Variants in INO80 observed in about 807,000 individuals in gnomAD.
INO80 encodes INO80 complex ATPase subunit.
Under a neutral mutation model 203.4 loss-of-function variants are expected in INO80, and 20 were observed. The observed-to-expected ratio is 0.10, with a 90% CI of 0.07 to 0.14. The LOEUF is 0.14. INO80 is among the 10% of genes least tolerant of loss of function. The probability of loss-of-function intolerance (pLI) is 1.00; values close to 1 mark genes in which losing one functional copy is unlikely to be tolerated. For synonymous variants in INO80, 726 were observed against 685.2 expected, an observed-to-expected ratio of 1.06 and a Z score of -0.93; for missense variants, 1,419 against 1,914.4, an observed-to-expected ratio of 0.74 and a Z score of 4.83.
intron 35 of INO80, among the ~76,000 whole-genome samples, chr15:40,981,127 C>T (rs1232952739): frequency 1.3e-5 from 2 of 152,140 alleles, no homozygotes; most frequent in Non-Finnish European, 2.9e-5. Flanking sequence ...TTTTACTTTC[C>T]AAAAAAGAAT....
chr15:41,023,228 G>T (rs1433258624), intron 25 of INO80: 2 of 454,450 alleles, frequency 4.4e-6, no homozygotes, highest in Non-Finnish European at 8.8e-6. Flanking sequence ...ATAAATACAG[G>T]AATACAAAGC....
chr15:41,073,321 G>C, intron 11 of INO80, 107 bp downstream of exon 11: 3 of 941,596 alleles, frequency 3.2e-6, no homozygotes, highest in Non-Finnish European at 5.2e-6. Flanking sequence ...GCTAGTCTAT[G>C]CTTTTAATTG....
At chr15:41,110,106 A>G (rs1176782158) in intron 1 of INO80, among the ~76,000 whole-genome samples, 1 of 151,468 alleles carries the variant, frequency 6.6e-6, no homozygotes, top group Non-Finnish European at 1.5e-5. Flanking sequence ...AAAAAAAAAA[A>G]GAAAACTGGC....
At chr15:41,095,517 T>C in intron 4 of INO80, 84 bp downstream of exon 4, 1 of 950,344 alleles carries the variant, frequency 1.1e-6, no homozygotes, top group Non-Finnish European at 1.6e-6. Flanking sequence ...TCTGTCAATC[T>C]GCCAAAATGA....
Position 41,036,156 on chromosome 15 carries a change from G to GAAAA in INO80, c.2908-8424_2908-8421dup, listed in dbSNP as rs369185302. Among the ~76,000 whole-genome samples the GAAAA allele has an allele frequency of 2.8e-3, 90 of 32,126 alleles. 6 individuals are homozygous for GAAAA. The highest frequency in any genetic ancestry group is 5.2e-3 in the African/African-American group (55 of 10,552). The allele number at this position is 32,126 out of a possible 152,430, so 21.1% of individuals were successfully genotyped here. On this transcript the variant is annotated intron_variant, in intron 24 of 35. Coordinates refer to ENST00000648947, the MANE Select transcript of INO80 (RefSeq NM_017553.3). ...GGGCAACAGAGTGCAACTCTCTCTC[G>GAAAA]AAAAAAAAAAAAAAAAAAAAAAAAA...
chr15:41,085,421 T>C lies in INO80; in HGVS notation c.821A>G (p.Asn274Ser), dbSNP rs761454270. 6.8e-6 allele frequency: 11 copies of C among 1,614,216 alleles called. No individual in the cohort carries two copies. The highest frequency in any genetic ancestry group is 9.3e-6 in the Non-Finnish European group (11 of 1,180,036). The change falls in exon 7 of 36, where the codon AAT (asparagine) becomes AGT (serine). Residue 274 changes from asparagine to serine, a missense_variant. Physicochemically the swap from Asn to Ser is conservative, Grantham distance 46 (BLOSUM62 1). Coordinates refer to ENST00000648947, the MANE Select transcript of INO80 (RefSeq NM_017553.3). ...GAGCCATACTTTCCTGCGACGAGCA[T>C]TCAGCTGCTCAATGGATAAGTGCTT... ...KKKHLSIEQL[N>S]ARRRKVWLSI...
intron 5 of INO80, among the ~76,000 whole-genome samples, chr15:41,090,465 T>C (rs2045619667): frequency 6.6e-6 from 1 of 152,110 alleles, no homozygotes; most frequent in African/African-American, 2.4e-5. Flanking sequence ...TAATCTCAGC[T>C]ACTCAGCAGG....
intron 24 of INO80, among the ~76,000 whole-genome samples, chr15:41,030,511 G>A (rs918886557): frequency 2.0e-5 from 3 of 151,874 alleles, no homozygotes; most frequent in Non-Finnish European, 1.5e-5. Flanking sequence ...CTACAGGTGC[G>A]CACCACCACG....
chr15:41,101,863 T>C (rs2045813035), intron 1 of INO80, among the ~76,000 whole-genome samples: 1 of 151,494 alleles, frequency 6.6e-6, no homozygotes, highest in Admixed American at 6.6e-5. Context: ...TTGTAACTCT[T>C]AGTCAAGGTG....
At chr15:41,114,502 AG>A (rs888338402) in intron 1 of INO80, among the ~76,000 whole-genome samples, 1 of 151,718 alleles carries the variant, frequency 6.6e-6, no homozygotes, top group African/African-American at 2.4e-5. Flanking sequence ...TGAGGTCAGG[AG>A]TTCGAGACCG....
intron 5 of INO80, among the ~76,000 whole-genome samples, chr15:41,089,670 A>G (rs2045606447): frequency 6.6e-6 from 1 of 152,004 alleles, no homozygotes; most frequent in Admixed American, 6.6e-5. Flanking sequence ...TTGAACTCAG[A>G]AGGCGGAGGT....
intron 27 of INO80, among the ~76,000 whole-genome samples, chr15:41,008,391 A>G (rs1289300870): frequency 1.3e-5 from 2 of 152,182 alleles, no homozygotes. Context: ...TAAAACTCAT[A>G]AAAGTAGAGA....
At chr15:41,093,709 G>A (rs1020699283) in intron 4 of INO80, among the ~76,000 whole-genome samples, 2 of 152,014 alleles carry the variant, frequency 1.3e-5, no homozygotes, top group African/African-American at 2.4e-5. Flanking sequence ...TTAGTTGAAC[G>A]TGGTGGTGCG....
chr15:41,035,557 C>T (rs1476131993), intron 24 of INO80, among the ~76,000 whole-genome samples: 1 of 151,468 alleles, frequency 6.6e-6, no homozygotes, highest in Admixed American at 6.6e-5. Context: ...CGCGGTGGCT[C>T]ACGCCTGTAA....
chr15:41,092,036 T>C lies in INO80; in HGVS notation c.528A>G (p.Lys176=), dbSNP rs2045652363. ...CTCCTGAAACTCTTACCTCCTTGTC[T>C]TTACTATACTTATTTTGGTGAAGTT... is the stretch of plus-strand genomic sequence containing the variant. The part of the protein sequence containing the change: ...YKKLHQNKYS[K]DKELQQYQYY... The change falls in exon 5 of 36, where the codon AAA becomes AAG. Residue 176 remains lysine (K), a synonymous_variant. Transcript: ENST00000648947. 1 of 1,603,522 alleles carries C rather than the reference T, an allele frequency of 6.2e-7. No homozygotes were observed. The highest frequency in any genetic ancestry group is 8.5e-7 in the Non-Finnish European group (1 of 1,171,410).
chr15:41,009,179 A>C (rs894711932), intron 27 of INO80, among the ~76,000 whole-genome samples: 1 of 152,104 alleles, frequency 6.6e-6, no homozygotes, highest in Non-Finnish European at 1.5e-5. Context: ...AATTTTGAGA[A>C]ACACTATTGT....
At chr15:41,001,820 T>C (rs569618598) in intron 28 of INO80, among the ~76,000 whole-genome samples, 3 of 152,228 alleles carry the variant, frequency 2.0e-5, no homozygotes, top group Non-Finnish European at 4.4e-5. Context: ...TGGCTGACCT[T>C]TGACCACAGG....
intron 14 of INO80, among the ~76,000 whole-genome samples, chr15:41,060,326 C>A (rs969960277): frequency 6.6e-6 from 1 of 152,158 alleles, no homozygotes; most frequent in Non-Finnish European, 1.5e-5. Flanking sequence ...TGGTAGCTCA[C>A]GCCTGTAATC....
chr15:41,063,934 A>C (rs1459233160), intron 14 of INO80, among the ~76,000 whole-genome samples: 1 of 152,212 alleles, frequency 6.6e-6, no homozygotes, highest in African/African-American at 2.4e-5. Context: ...AAAGTCTTTA[A>C]AAGGAAAATT....
Sources: allele counts gnomAD v4.1 joint callset (sites outside exome capture counted in the v4.1 genomes callset), GRCh38; gene constraint gnomAD v4.1.1; transcripts MANE v1.5; gene names NCBI Gene and HGNC (gene_info 2026-07-23, HGNC 2026-07-21).